Variants in ELAVL2 observed in about 807,000 individuals in gnomAD.
ELAVL2 encodes ELAV like RNA binding protein 2, also known as ELAV-like protein 2.
ELAVL2 carries 4 observed loss-of-function variants against 34.6 expected under a neutral mutation model. The ratio of observed to expected loss-of-function variants is 0.12; its 90% CI spans 0.06 to 0.26. ELAVL2 has a LOEUF of 0.26. Ranked by LOEUF, ELAVL2 falls within the 10% of genes least tolerant of loss-of-function variation. ELAVL2 has a pLI of 1.00. For missense variants in ELAVL2, 432 were observed against 442.8 expected (o/e 0.98, Z 0.22); for synonymous variants, 193 against 154.8 (o/e 1.25, Z -1.83).
At chr9:23,777,470 A>G (rs533336829) in intron 1 of ELAVL2, among the ~76,000 whole-genome samples, 1 of 152,252 alleles carries the variant, frequency 6.6e-6, no homozygotes, top group African/African-American at 2.4e-5. Context: ...TGCCCTTTCT[A>G]TACCCTTCTG....
intron 5 of ELAVL2, among the ~76,000 whole-genome samples, chr9:23,698,651 T>G (rs16907618): frequency 0.35 from 52,435 of 151,884 alleles, 9,501 homozygotes; most frequent in South Asian, 0.46. Flanking sequence ...GGACAAAATA[T>G]ATCTGTGTGA....
upstream of ELAVL2, among the ~76,000 whole-genome samples, chr9:23,827,153 C>A (rs2065344580): frequency 6.6e-6 from 1 of 152,196 alleles, no homozygotes. Flanking sequence ...ACAAGCCACT[C>A]CTCTGCATTT....
intron 3 of ELAVL2, among the ~76,000 whole-genome samples, chr9:23,710,711 G>A (rs923950597): frequency 6.6e-6 from 1 of 152,140 alleles, no homozygotes; most frequent in Non-Finnish European, 1.5e-5. Flanking sequence ...TATTTAAACG[G>A]ACAGTTAATT....
intron 1 of ELAVL2, chr9:23,779,223 A>G (rs573902477): frequency 2.0e-6 from 2 of 985,448 alleles, no homozygotes; most frequent in South Asian, 4.7e-5. Context: ...TGAAGGGTAA[A>G]TAAGAGGTCT....
At chr9:23,787,709 A>G (rs756492300) in intron 1 of ELAVL2, among the ~76,000 whole-genome samples, 3 of 152,130 alleles carry the variant, frequency 2.0e-5, no homozygotes, top group Non-Finnish European at 2.9e-5. Flanking sequence ...CCCCAGACCA[A>G]TTAAATAAGA....
At chr9:23,744,393 C>A (rs2050012338) in intron 2 of ELAVL2, among the ~76,000 whole-genome samples, 1 of 152,118 alleles carries the variant, frequency 6.6e-6, no homozygotes, top group African/African-American at 2.4e-5. Flanking sequence ...CCTATGCTGT[C>A]AAGAGTTTTC....
chr9:23,703,730 G>GTAT (rs2038290729), intron 4 of ELAVL2, among the ~76,000 whole-genome samples: 1 of 151,962 alleles, frequency 6.6e-6, no homozygotes, highest in African/African-American at 2.4e-5. Flanking sequence ...TGCCTCCAAG[G>GTAT]TATTATTATT....
rs920976914 is a variant in ELAVL2 at position 23,692,406 on chromosome 9, A to G, written c.*151T>C. 1.3e-6 allele frequency: 1 copy of G among 792,310 alleles called. No individual in the cohort carries two copies. The highest frequency in any genetic ancestry group is 1.9e-6 in the Non-Finnish European group (1 of 516,238). The allele number at this position is 792,310 out of a possible 1,614,324, so 49.1% of individuals were successfully genotyped here. On this transcript the variant is annotated 3_prime_UTR_variant, in exon 7 of 7. Coordinates refer to ENST00000397312, the MANE Select transcript of ELAVL2 (RefSeq NM_004432.5). ...GTTTTAATTCAAATACTAGCAATAAAAAATCTCACATATTTCTTAGGATGC... is the reference window on the plus strand; with the variant it reads ...GTTTTAATTCAAATACTAGCAATAAGAAATCTCACATATTTCTTAGGATGC...
chr9:23,698,327 A>G (rs1265035156), intron 5 of ELAVL2, among the ~76,000 whole-genome samples: 3 of 152,220 alleles, frequency 2.0e-5, no homozygotes, highest in Admixed American at 1.3e-4. Flanking sequence ...AAATAAGCGT[A>G]TTAGACCAGC....
chr9:23,712,090 G>C (rs913475290), intron 3 of ELAVL2, among the ~76,000 whole-genome samples: 1 of 152,152 alleles, frequency 6.6e-6, no homozygotes, highest in South Asian at 2.1e-4. Flanking sequence ...CTGTGGGGCG[G>C]GGGGAGTCTT....
At chr9:23,818,306 T>A (rs1274197959) in intron 1 of ELAVL2, among the ~76,000 whole-genome samples, 1 of 152,142 alleles carries the variant, frequency 6.6e-6, no homozygotes, top group Non-Finnish European at 1.5e-5. Flanking sequence ...GGAAGGCAAC[T>A]AACCAGGAAA....
At chr9:23,796,935 T>A (rs1031739576) in intron 1 of ELAVL2, among the ~76,000 whole-genome samples, 1 of 152,112 alleles carries the variant, frequency 6.6e-6, no homozygotes, top group African/African-American at 2.4e-5. Context: ...TAAGGATGCA[T>A]TTGAGAGATA....
intron 3 of ELAVL2, among the ~76,000 whole-genome samples, chr9:23,722,423 G>T (rs1312448085): frequency 6.6e-6 from 1 of 152,178 alleles, no homozygotes; most frequent in Admixed American, 6.5e-5. Context: ...TCCAGATCCA[G>T]TTTTCTTCTC....
At chr9:23,775,348 T>C (rs992094362) in intron 1 of ELAVL2, among the ~76,000 whole-genome samples, 1 of 152,158 alleles carries the variant, frequency 6.6e-6, no homozygotes, top group East Asian at 1.9e-4. Context: ...CCAGCTTGGG[T>C]GGCAGAGCAA....
chr9:23,831,827 G>A, the ELAVL2 span, among the ~76,000 whole-genome samples: 1 of 152,082 alleles, frequency 6.6e-6, no homozygotes, highest in Non-Finnish European at 1.5e-5. Context: ...TAGTGGGAGG[G>A]GGCAGTGAGA....
chr9:23,832,475 A>G, the ELAVL2 span, among the ~76,000 whole-genome samples: 1 of 152,172 alleles, frequency 6.6e-6, no homozygotes, highest in South Asian at 2.1e-4. Flanking sequence ...GATTTTTTTC[A>G]CAAATATTTA....
intron 1 of ELAVL2, among the ~76,000 whole-genome samples, chr9:23,815,478 A>C (rs1212881520): frequency 6.6e-6 from 1 of 152,182 alleles, no homozygotes; most frequent in East Asian, 1.9e-4. Flanking sequence ...ATAAAAAAAC[A>C]AAATCACTAA....
At chr9:23,736,503 C>T (rs1308616670) in intron 2 of ELAVL2, among the ~76,000 whole-genome samples, 1 of 152,046 alleles carries the variant, frequency 6.6e-6, no homozygotes, top group Non-Finnish European at 1.5e-5. Flanking sequence ...AGCAGGGCTG[C>T]TGTTTAAATA....
At chr9:23,713,477 T>C (rs779964435) in intron 3 of ELAVL2, among the ~76,000 whole-genome samples, 3 of 152,122 alleles carry the variant, frequency 2.0e-5, no homozygotes, top group Non-Finnish European at 2.9e-5. Flanking sequence ...ACTTAGCCTT[T>C]TCAGACTTTA....
Sources: gnomAD v4.1 joint callset for allele counts (sites outside exome capture counted in the v4.1 genomes callset) on GRCh38, gnomAD v4.1.1 for gene constraint, MANE v1.5 for transcripts, NCBI Gene and HGNC (gene_info 2026-07-23, HGNC 2026-07-21) for gene names.